Variants in UGT1A9 observed in about 807,000 individuals in gnomAD.
UGT1A9 encodes the protein UDP glucuronosyltransferase family 1 member A9.
In UGT1A9, 35 loss-of-function variants were observed where a neutral mutation model predicts 45.0. The observed-to-expected ratio is 0.78, with a 90% CI of 0.59 to 1.03. The LOEUF (loss-of-function observed/expected upper bound fraction) is 1.03. Among genes scored for constraint, UGT1A9 ranks in the 50% least tolerant of loss-of-function variants. The probability of loss-of-function intolerance (pLI) is 0.00; values close to 1 mark genes in which losing one functional copy is unlikely to be tolerated. For synonymous variants in UGT1A9, 278 were observed against 250.6 expected (o/e 1.11, Z -1.03); for missense variants, 687 against 666.6 (o/e 1.03, Z -0.34).
At chr2:233,755,255 G>A (rs1695832666) in intron 1 of UGT1A9, 14 of 819,316 alleles carry the variant, frequency 1.7e-5, no homozygotes, top group South Asian at 1.2e-4. Flanking sequence ...CCAGCACCTC[G>A]TAGTAGTCCA....
At chr2:233,734,277 A>G (rs1251036524) in intron 1 of UGT1A9, among the ~76,000 whole-genome samples, 2 of 152,092 alleles carry the variant, frequency 1.3e-5, no homozygotes, top group African/African-American at 4.8e-5. Context: ...CCAGGAATTT[A>G]TCCATTTCTT....
Position 233,772,387 on chromosome 2 carries a change from C to A in UGT1A9, c.1421C>A (p.Ala474Glu). 1.2e-6 allele frequency: 2 copies of A among 1,614,274 alleles called. No individual in the cohort carries two copies. Among genetic ancestry groups the A allele is most frequent in the Non-Finnish European group, 1.7e-6 (2 of 1,180,048 alleles). ...AAGGGCGCGCCACACCTGCGCCCCG[C>A]AGCCCACGACCTCACCTGGTACCAG... ...RHKGAPHLRP[A>E]AHDLTWYQYH... is the part of the protein sequence containing the mutation. Residue 474 changes from alanine to glutamate, a missense_variant, in exon 5 of 5, where the codon GCA (alanine) becomes GAA (glutamate). Transcript: ENST00000354728.
Position 233,769,443 on chromosome 2 carries a change from G to T in UGT1A9, c.1295+1004G>T. 1.3e-6 allele frequency: 2 copies of T among 1,564,916 alleles called. No homozygotes were observed. The highest frequency in any genetic ancestry group is 1.8e-6 in the Non-Finnish European group (2 of 1,139,736). On this transcript the variant is annotated intron_variant, in intron 4 of 4. Coordinates refer to ENST00000354728, the MANE Select transcript of UGT1A9 (RefSeq NM_021027.3). This position sits in a 1 kb window ranked among gnomAD's most constrained non-coding sequence, Gnocchi z 4.4. The stretch of plus-strand genomic sequence containing the variant: ...CATGTGGCTGTGCTCATGTGTGGGT[G>T]CACACGTGTGCATTCATATGCGTGT...
At chr2:233,767,732 C>T (rs1041419428) in intron 2 of UGT1A9, 117 bp from the exon 3 acceptor site, 2 of 1,564,690 alleles carry the variant, frequency 1.3e-6, no homozygotes, top group Admixed American at 1.9e-5. Flanking sequence ...ACTGATCCTC[C>T]CACTCTGTTA....
chr2:233,747,923 G>A (rs1349241680), intron 1 of UGT1A9: 2 of 1,613,414 alleles, frequency 1.2e-6, no homozygotes, highest in Non-Finnish European at 1.7e-6. Flanking sequence ...TTGCCTCTGA[G>A]CTTTTTCAGA....
At chr2:233,761,017 G>A (rs1188733606) in intron 1 of UGT1A9, 1 of 1,614,178 alleles carries the variant, frequency 6.2e-7, no homozygotes, top group Non-Finnish European at 8.5e-7. Flanking sequence ...AGAGGTGACT[G>A]TCCAGGACCT....
At chr2:233,695,410 T>C (rs1319297669) in intron 1 of UGT1A9, among the ~76,000 whole-genome samples, 3 of 148,278 alleles carry the variant, frequency 2.0e-5, no homozygotes, top group African/African-American at 7.4e-5. Context: ...AGGCGTGAGC[T>C]ACCGCGCCCG....
intron 1 of UGT1A9, chr2:233,693,238 T>G (rs1048987218): frequency 6.2e-7 from 1 of 1,614,024 alleles, no homozygotes; most frequent in African/African-American, 1.3e-5. Context: ...GAAAAATCTA[T>G]CCAGTGCCGT....
chr2:233,746,316 G>C (rs1048806578), intron 1 of UGT1A9, among the ~76,000 whole-genome samples: 1 of 151,828 alleles, frequency 6.6e-6, no homozygotes, highest in African/African-American at 2.4e-5. Flanking sequence ...GGGCCCTGTA[G>C]ATGATCTACA....
intron 1 of UGT1A9, among the ~76,000 whole-genome samples, chr2:233,699,494 A>G (rs752077741): frequency 1.1e-4 from 17 of 152,338 alleles, no homozygotes; most frequent in Middle Eastern, 3.4e-3. Context: ...TTCTACTTGT[A>G]ATACAAAGAA....
Position 233,769,688 on chromosome 2 carries a change from C to A in UGT1A9, c.1295+1249C>A, listed in dbSNP as rs1385163206. 2.6e-6 allele frequency: 4 copies of A among 1,552,874 alleles called. No homozygotes were observed. The African/African-American group carries it at 5.4e-5, about 21-fold the overall frequency. Reference sequence around the variant, plus strand: ...AGGTGCTAATGTGTGTGTGGTGGCACTGGATAAAAGATCAATGTTGGCTAG... The same window carrying A: ...AGGTGCTAATGTGTGTGTGGTGGCAATGGATAAAAGATCAATGTTGGCTAG... On this transcript the variant is annotated intron_variant, in intron 4 of 4. Coordinates refer to ENST00000354728, the MANE Select transcript of UGT1A9 (RefSeq NM_021027.3). This position sits in a 1 kb window ranked among gnomAD's most constrained non-coding sequence, Gnocchi z 4.4.
intron 1 of UGT1A9, chr2:233,690,545 A>G (rs1443956846): frequency 9.3e-6 from 12 of 1,289,642 alleles, no homozygotes; most frequent in Non-Finnish European, 1.1e-5. Flanking sequence ...CCCCACTGGA[A>G]TATGTCCCAA....
chr2:233,767,826 T>C (rs1204368520), intron 2 of UGT1A9, 23 bp from the exon 3 acceptor site: 5 of 1,614,208 alleles, frequency 3.1e-6, no homozygotes, highest in South Asian at 2.2e-5. Flanking sequence ...TTCTTTACGT[T>C]CTGCTCTTTT....
Position 233,709,056 on chromosome 2 carries a change from CTAGT to C in UGT1A9, c.855+36270_855+36273del, listed in dbSNP as rs375017824. On this transcript the variant is annotated intron_variant, in intron 1 of 4. Transcript: ENST00000354728. ...AGCCTGAGTTCTTTTCCCAGGATTC[CTAGT>C]TAAAGTTCTTCTGCCTCATTGGCTC... Among the ~76,000 whole-genome samples, 333 of 152,198 alleles carry C rather than the reference CTAGT, an allele frequency of 2.2e-3. 1 individual carries two copies. Among genetic ancestry groups the C allele is most frequent in the African/African-American group, 7.5e-3 (310 of 41,542 alleles).
intron 1 of UGT1A9, chr2:233,747,248 T>G: frequency 3.1e-6 from 5 of 1,601,666 alleles, no homozygotes; most frequent in Non-Finnish European, 4.3e-6. Context: ...CTGCTGTGGC[T>G]GGCCACAGGA....
At chr2:233,762,238 A>G (rs1231676264) in intron 1 of UGT1A9, among the ~76,000 whole-genome samples, 1 of 152,096 alleles carries the variant, frequency 6.6e-6, no homozygotes, top group East Asian at 1.9e-4. Context: ...CCTAAGGCAC[A>G]GAATAGGCAC....
At chr2:233,767,711 C>G (rs990338657) in intron 2 of UGT1A9, 138 bp from the exon 3 acceptor site, 47 of 1,530,966 alleles carry the variant, frequency 3.1e-5, no homozygotes, top group Non-Finnish European at 4.1e-5. Flanking sequence ...TCCTCAGAAG[C>G]CTTCACAGTT....
At chr2:233,743,983 G>A (rs1033622103) in intron 1 of UGT1A9, 34 of 1,288,222 alleles carry the variant, frequency 2.6e-5, no homozygotes, top group Middle Eastern at 4.7e-4. Flanking sequence ...GCACCCAGGC[G>A]CAGGCCCGAG....
chr2:233,711,563 G>C (rs2076187207), intron 1 of UGT1A9, among the ~76,000 whole-genome samples: 1 of 152,208 alleles, frequency 6.6e-6, no homozygotes, highest in Admixed American at 6.5e-5. Context: ...AGTTCCCAAA[G>C]CCCTTGCAGG....
Sources: allele counts gnomAD v4.1 joint callset (sites outside exome capture counted in the v4.1 genomes callset), GRCh38; gene constraint gnomAD v4.1.1; non-coding constraint Gnocchi (gnomAD v3.1); transcripts MANE v1.5; gene names NCBI Gene and HGNC (gene_info 2026-07-23, HGNC 2026-07-21).